Variants in GRIK3 observed in about 807,000 individuals in gnomAD.
The protein encoded by GRIK3 is glutamate receptor ionotropic, kainate 3.
Under a neutral mutation model 102.5 loss-of-function variants are expected in GRIK3, and 29 were observed. The observed-to-expected ratio is 0.28, with a 90% confidence interval of 0.21 to 0.39. GRIK3 has a LOEUF of 0.39. GRIK3 is among the 10% of genes least tolerant of loss of function. The pLI, the probability that GRIK3 is intolerant of heterozygous loss-of-function variation, is 1.00. For synonymous variants in GRIK3, 511 were observed against 504.9 expected, an observed-to-expected ratio of 1.01 and a Z score of -0.16; for missense variants, 908 against 1,252.4, an observed-to-expected ratio of 0.73 and a Z score of 4.15.
chr1:36,978,518 G>C (rs541139446), intron 1 of GRIK3, among the ~76,000 whole-genome samples: 3 of 152,354 alleles, frequency 2.0e-5, no homozygotes, highest in African/African-American at 7.2e-5. Context: ...ATAAGCATTT[G>C]CTATTGCTCA....
chr1:37,005,931 T>C (rs1054768896), intron 1 of GRIK3, among the ~76,000 whole-genome samples: 2 of 152,026 alleles, frequency 1.3e-5, no homozygotes, highest in African/African-American at 4.8e-5. Context: ...TTATAGGCAG[T>C]GGGGAGCCCT....
intron 2 of GRIK3, among the ~76,000 whole-genome samples, chr1:36,882,930 T>C (rs1640999242): frequency 1.3e-5 from 2 of 152,172 alleles, no homozygotes; most frequent in Admixed American, 1.3e-4. Context: ...CCATCGGAGA[T>C]CCACCAACAG....
chr1:36,879,912 C>T (rs1196790922), intron 3 of GRIK3, among the ~76,000 whole-genome samples: 1 of 152,062 alleles, frequency 6.6e-6, no homozygotes, highest in African/African-American at 2.4e-5. Context: ...CTGGGGTCAG[C>T]GGTCAAGTGG....
intron 9 of GRIK3, among the ~76,000 whole-genome samples, chr1:36,844,120 C>T (rs1187974929): frequency 6.6e-6 from 1 of 152,228 alleles, no homozygotes; most frequent in Non-Finnish European, 1.5e-5. Context: ...CCCATCCTGC[C>T]CCATGCTTGA....
chr1:36,848,439 C>T (rs1483527070), intron 9 of GRIK3, among the ~76,000 whole-genome samples: 1 of 151,938 alleles, frequency 6.6e-6, no homozygotes, highest in Non-Finnish European at 1.5e-5. Context: ...CTTTTAGCAC[C>T]TTTTTATTAT....
intron 1 of GRIK3, among the ~76,000 whole-genome samples, chr1:36,915,825 G>T (rs1570797150): frequency 6.6e-6 from 1 of 152,116 alleles, no homozygotes; most frequent in South Asian, 2.1e-4. Context: ...TCTGTAAATT[G>T]CCCAGTCTTG....
At chr1:36,951,859 A>AG (rs781449107) in intron 1 of GRIK3, among the ~76,000 whole-genome samples, 3 of 147,010 alleles carry the variant, frequency 2.0e-5, no homozygotes, top group Non-Finnish European at 4.5e-5. Flanking sequence ...TGGAGGGCGG[A>AG]GGGGCGGGAG....
At chr1:36,984,629 A>G (rs188613061) in intron 1 of GRIK3, among the ~76,000 whole-genome samples, 5 of 152,320 alleles carry the variant, frequency 3.3e-5, no homozygotes, top group Admixed American at 3.3e-4. Flanking sequence ...TGGGGCATGG[A>G]TGGAAGAGTG....
At chr1:36,831,038 C>G (rs1640285587) in intron 10 of GRIK3, among the ~76,000 whole-genome samples, 1 of 152,194 alleles carries the variant, frequency 6.6e-6, no homozygotes, top group Admixed American at 6.5e-5. Context: ...TGACCTCCAG[C>G]ACTGGCAGTT....
chr1:36,985,871 C>T (rs1336378162), intron 1 of GRIK3, among the ~76,000 whole-genome samples: 1 of 152,144 alleles, frequency 6.6e-6, no homozygotes, highest in Non-Finnish European at 1.5e-5. Flanking sequence ...TGTCCGATCT[C>T]CCACAGAGTA....
At chr1:36,900,177 G>T (rs1198374041) in intron 1 of GRIK3, among the ~76,000 whole-genome samples, 1 of 152,130 alleles carries the variant, frequency 6.6e-6, no homozygotes, top group Non-Finnish European at 1.5e-5. Context: ...AAATTTAAAA[G>T]ACTAGAAATC....
chr1:36,840,664 C>T (rs1428490175), intron 10 of GRIK3, among the ~76,000 whole-genome samples: 2 of 151,840 alleles, frequency 1.3e-5, no homozygotes, highest in Non-Finnish European at 2.9e-5. Context: ...GAGTTTGAGG[C>T]TACAGTGAGC....
intron 1 of GRIK3, among the ~76,000 whole-genome samples, chr1:36,987,847 G>A (rs1642322280): frequency 6.6e-6 from 1 of 152,226 alleles, no homozygotes; most frequent in African/African-American, 2.4e-5. Context: ...TCTAAGTACT[G>A]TACCTAGGAA....
At chr1:36,957,916 GTGAGCCTGTGTGCCCCA>G (rs1641942484) in intron 1 of GRIK3, among the ~76,000 whole-genome samples, 2 of 45,022 alleles carry the variant, frequency 4.4e-5, no homozygotes, top group Non-Finnish European at 7.4e-5. Flanking sequence ...TCTGTGCCCC[GTGAGCCTGTGTGCCCCA>G]TGAGCCTGTG....
Position 36,891,215 on chromosome 1 carries a change from C to A in GRIK3, c.116-119G>T, listed in dbSNP as rs563857002. ...TGCTCCCTGAAATGTTCAATAATAT[C>A]CTAGGTAACTGCCATACCTAGAAAG... On this transcript the variant is annotated intron_variant, in intron 1 of 15. Coordinates refer to ENST00000373091, the MANE Select transcript of GRIK3 (RefSeq NM_000831.4). 20 of 696,510 alleles carry A rather than the reference C, an allele frequency of 2.9e-5. No individual in the cohort carries two copies. The East Asian group carries it at 4.8e-4, about 17-fold the overall frequency. The allele number at this position is 696,510 out of a possible 1,614,324, so 43.1% of individuals were successfully genotyped here.
chr1:36,975,389 G>A (rs1642185739), intron 1 of GRIK3, among the ~76,000 whole-genome samples: 1 of 148,474 alleles, frequency 6.7e-6, no homozygotes, highest in African/African-American at 2.5e-5. Context: ...CCACCTCCTG[G>A]GCTTAAGTGA....
chr1:36,797,552 AC>A lies in GRIK3; in HGVS notation c.*4298del, dbSNP rs1170600766. On this transcript the variant is annotated 3_prime_UTR_variant, in exon 16 of 16. Transcript: ENST00000373091. The stretch of plus-strand genomic sequence containing the variant: ...ACTTTCAGATGTGTCTAATCCAGAG[AC>A]CTGCCCACAGAGTTGGGCTCATTTC... The A allele has an allele frequency of 5.3e-5, 8 of 152,096 alleles. No individual in the cohort carries two copies. The highest frequency in any genetic ancestry group is 5.2e-4 in the Admixed American group (8 of 15,282). The allele number at this position is 152,096 out of a possible 1,614,324, so 9.4% of individuals were successfully genotyped here.
In GRIK3 at chr1:36,872,130, G is replaced by A. The variant is rs551205000; in HGVS notation, c.732+58C>T. 3.8e-5 allele frequency: 55 copies of A among 1,450,830 alleles called. No individual in the cohort carries two copies. Among genetic ancestry groups the A allele is most frequent in the East Asian group, 3.4e-4 (14 of 41,036 alleles). 89.9% of individuals were successfully genotyped at this position (1,450,830 alleles called of 1,614,324 possible). On this transcript the variant is annotated intron_variant, in intron 4 of 15. Transcript: ENST00000373091. The surrounding 1 kb of genome is among the most constrained non-coding windows in gnomAD (Gnocchi z 5.9). Reference sequence around the variant, plus strand: ...TCACACCCACATTTGGGAAGGGGACGTGGGAGAAGTGGCCAGCAGACCCCA... The same window carrying A: ...TCACACCCACATTTGGGAAGGGGACATGGGAGAAGTGGCCAGCAGACCCCA...
chr1:36,984,377 G>T (rs915936376), intron 1 of GRIK3, among the ~76,000 whole-genome samples: 1 of 152,242 alleles, frequency 6.6e-6, no homozygotes, highest in Non-Finnish European at 1.5e-5. Context: ...ACAGGGGCCT[G>T]AGTCAGGAGC....
Sources: allele counts gnomAD v4.1 joint callset (sites outside exome capture counted in the v4.1 genomes callset), GRCh38; gene constraint gnomAD v4.1.1; non-coding constraint Gnocchi (gnomAD v3.1); transcripts MANE v1.5; gene names NCBI Gene and HGNC (gene_info 2026-07-23, HGNC 2026-07-21).